The following RAD51AP1 variants were observed in gnomAD, a reference collection of about 807,000 sequenced individuals.
The protein encoded by RAD51AP1 is RAD51-associated protein 1.
In RAD51AP1, 14 loss-of-function variants were observed where a neutral mutation model predicts 34.3. The observed-to-expected ratio is 0.41, with a 90% CI of 0.27 to 0.64. The LOEUF is 0.64. RAD51AP1 is among the 30% of genes least tolerant of loss of function. The probability of loss-of-function intolerance (pLI) is 0.33; values close to 1 mark genes in which losing one functional copy is unlikely to be tolerated. For synonymous variants in RAD51AP1, 114 were observed against 129.8 expected (o/e 0.88, Z 0.83); for missense variants, 348 against 386.9 (o/e 0.90, Z 0.84).
At chr12:4,552,886 C>A (rs1944556201) in intron 6 of RAD51AP1, 97 bp from the exon 7 acceptor site, 12 of 1,190,926 alleles carry the variant, frequency 1.0e-5, no homozygotes, top group Non-Finnish European at 1.4e-5. Flanking sequence ...CAGTGCAGCA[C>A]AAAGGTGCAT....
chr12:4,546,667 G>A (rs1436081908), intron 4 of RAD51AP1, among the ~76,000 whole-genome samples: 2 of 152,122 alleles, frequency 1.3e-5, no homozygotes, highest in East Asian at 1.9e-4. Context: ...CTCAGTGTTC[G>A]AATTATATGT....
intron 8 of RAD51AP1, among the ~76,000 whole-genome samples, chr12:4,558,593 A>G (rs971601495): frequency 2.6e-5 from 4 of 152,086 alleles, no homozygotes; most frequent in African/African-American, 9.7e-5. Flanking sequence ...AACTAGCATT[A>G]TTTGTTCCCA....
At chr12:4,542,349 CAT>C (rs1210783983) in intron 2 of RAD51AP1, among the ~76,000 whole-genome samples, 2 of 152,194 alleles carry the variant, frequency 1.3e-5, no homozygotes, top group Non-Finnish European at 2.9e-5. Context: ...AAGCATTAGT[CAT>C]ATGTTTACTT....
rs1218129089 is a variant in RAD51AP1 at position 4,538,900 on chromosome 12, A to G, written c.-40A>G. ...ATTGAAACCGCCGCTGAAGCCAACA[A>G]GAATTTGAGAACTGTAAATACCAAG... On this transcript the variant is annotated 5_prime_UTR_variant, in exon 1 of 9. Transcript: ENST00000352618. 2.5e-6 allele frequency: 4 copies of G among 1,612,286 alleles called. No homozygotes were observed. Among genetic ancestry groups the G allele is most frequent in the Admixed American group, 1.7e-5 (1 of 59,974 alleles).
At chr12:4,555,454 A>C (rs1944575473) in intron 7 of RAD51AP1, among the ~76,000 whole-genome samples, 1 of 152,178 alleles carries the variant, frequency 6.6e-6, no homozygotes, top group Admixed American at 6.5e-5. Context: ...TACCACCAGA[A>C]AGATGTTTTT....
At chr12:4,541,180 C>T (rs1039863819) in intron 1 of RAD51AP1, among the ~76,000 whole-genome samples, 1 of 152,142 alleles carries the variant, frequency 6.6e-6, no homozygotes, top group Non-Finnish European at 1.5e-5. Context: ...CATTGGAGCA[C>T]TTCAGATTTT....
chr12:4,550,217 G>A (rs1241089557), intron 6 of RAD51AP1, among the ~76,000 whole-genome samples: 1 of 152,154 alleles, frequency 6.6e-6, no homozygotes. Flanking sequence ...ATTGACTGAC[G>A]AAGATTAGTT....
intron 4 of RAD51AP1, among the ~76,000 whole-genome samples, chr12:4,546,943 G>A (rs1461403180): frequency 1.3e-5 from 2 of 152,180 alleles, no homozygotes; most frequent in African/African-American, 4.8e-5. Context: ...TCCTGAAAAA[G>A]ATACTCTACT....
intron 3 of RAD51AP1, 133 bp from the exon 4 acceptor site, chr12:4,546,176 A>G (rs1591771595): frequency 7.8e-6 from 5 of 644,628 alleles, no homozygotes; most frequent in Non-Finnish European, 1.4e-5. Flanking sequence ...AAGGTCTATT[A>G]ATGATGATTG....
chr12:4,555,216 C>T (rs1944573865), intron 7 of RAD51AP1, among the ~76,000 whole-genome samples: 1 of 152,158 alleles, frequency 6.6e-6, no homozygotes, highest in African/African-American at 2.4e-5. Flanking sequence ...CCAAAACATA[C>T]TTCCAGGCTT....
chr12:4,544,988 T>C (rs1024877952), intron 3 of RAD51AP1, among the ~76,000 whole-genome samples: 1 of 152,168 alleles, frequency 6.6e-6, no homozygotes, highest in African/African-American at 2.4e-5. Context: ...TGCAGCTAAA[T>C]TGGAAAATGG....
At position 4,556,469 on chromosome 12, in the gene RAD51AP1, G is replaced by A; in HGVS notation, c.838G>A (p.Ala280Thr). ...RKPLEIRSPSAESKKPKWVPP... is the reference protein window; with the variant it reads ...RKPLEIRSPSTESKKPKWVPP... ...ACCATTAGAAATACGCAGTCCTTCA[G>A]CTGAAAGCAAGAAACCTAAATGGGT... is the stretch of plus-strand genomic sequence containing the variant. The change falls in exon 8 of 9, where the codon GCT (alanine) becomes ACT (threonine). Residue 280 changes from alanine (A) to threonine (T), a missense_variant. Ala to Thr is a moderately conservative substitution (Grantham distance 58). Transcript: ENST00000352618. The A allele has an allele frequency of 6.2e-7, 1 of 1,613,780 alleles. No homozygotes were observed. The highest frequency in any genetic ancestry group is 8.5e-7 in the Non-Finnish European group (1 of 1,179,696).
At chr12:4,548,287 C>G in intron 5 of RAD51AP1, 109 bp downstream of exon 5, 2 of 1,392,568 alleles carry the variant, frequency 1.4e-6, no homozygotes. Context: ...TTTGTCAAGA[C>G]TCTCTTGATG....
chr12:4,546,176 AATG>A (rs1465738660), intron 3 of RAD51AP1, 130 bp from the exon 4 acceptor site: 6 of 644,520 alleles, frequency 9.3e-6, no homozygotes, highest in African/African-American at 7.3e-5. Context: ...AAGGTCTATT[AATG>A]ATGATTGTTT....
At chr12:4,552,182 A>G (rs1344631739) in intron 6 of RAD51AP1, among the ~76,000 whole-genome samples, 2 of 152,204 alleles carry the variant, frequency 1.3e-5, no homozygotes, top group African/African-American at 4.8e-5. Context: ...AAAAAGTTTT[A>G]TATTAATATA....
At chr12:4,556,592 T>TC in intron 8 of RAD51AP1, 90 bp downstream of exon 8, 1 of 1,433,844 alleles carries the variant, frequency 7.0e-7, no homozygotes, top group Non-Finnish European at 9.6e-7. Context: ...TGTGAGCATT[T>TC]CCCCATATTA....
At chr12:4,540,235 A>G (rs977210334) in intron 1 of RAD51AP1, among the ~76,000 whole-genome samples, 1 of 152,204 alleles carries the variant, frequency 6.6e-6, no homozygotes, top group Non-Finnish European at 1.5e-5. Context: ...GTGAGGGATC[A>G]AGATTTCTGT....
At position 4,550,143 on chromosome 12, in the gene RAD51AP1, G is replaced by A. The variant is rs961045688; in HGVS notation, c.556+1307G>A. 4.6e-5 allele frequency among the ~76,000 whole-genome samples: 7 copies of A among 152,246 alleles called. No individual in the cohort carries two copies. In the South Asian group the frequency reaches 6.2e-4, roughly 14 times the overall value. On this transcript the variant is annotated intron_variant, in intron 6 of 8. Coordinates refer to ENST00000352618, the MANE Select transcript of RAD51AP1 (RefSeq NM_006479.5). ...TTCCAGATTTTCCTCTATGGGATGC[G>A]AATGACTTGGAATTTTGGGAATTCC...
intron 3 of RAD51AP1, 134 bp downstream of exon 3, chr12:4,544,038 A>C (rs1944488422): frequency 1.6e-6 from 1 of 620,302 alleles, no homozygotes; most frequent in Non-Finnish European, 2.5e-6. Context: ...CAGTCAGAAA[A>C]CAGGACGTAC....
Sources: gnomAD v4.1 joint callset for allele counts (sites outside exome capture counted in the v4.1 genomes callset) on GRCh38, gnomAD v4.1.1 for gene constraint, MANE v1.5 for transcripts, NCBI Gene and HGNC (gene_info 2026-07-23, HGNC 2026-07-21) for gene names.